The following KIRREL3 variants were observed in gnomAD, a reference collection of about 807,000 sequenced individuals.
The protein encoded by KIRREL3 is kirre like nephrin family adhesion molecule 3, also known as kin of IRRE-like protein 3.
Under a neutral mutation model 89.7 loss-of-function variants are expected in KIRREL3, and 36 were observed. The observed-to-expected ratio is 0.40, with a 90% CI of 0.31 to 0.53. KIRREL3 has a LOEUF of 0.53. Ranked by LOEUF, KIRREL3 falls within the 20% of genes least tolerant of loss-of-function variation. The pLI, the probability that KIRREL3 is intolerant of heterozygous loss-of-function variation, is 0.49. For synonymous variants in KIRREL3, 445 were observed against 441.4 expected (o/e 1.01, Z -0.10); for missense variants, 864 against 1,056.6 (o/e 0.82, Z 2.53).
intron 4 of KIRREL3, among the ~76,000 whole-genome samples, chr11:126,493,218 C>T (rs1273425471): frequency 6.6e-6 from 1 of 152,184 alleles, no homozygotes; most frequent in Non-Finnish European, 1.5e-5. Context: ...TCTCAGGCAT[C>T]ATGCAATGAG....
chr11:126,923,397 T>TC (rs1947553333), intron 1 of KIRREL3, among the ~76,000 whole-genome samples: 1 of 66 alleles, frequency 0.015, no homozygotes, highest in Non-Finnish European at 0.025. Flanking sequence ...TTCCTCTTCT[T>TC]TCTTCTTCTT....
Position 126,551,651 on chromosome 11 carries a change from G to A in KIRREL3, c.133+11184C>T, listed in dbSNP as rs932558935. ...AGGGTGAGGCCACTCAGGTTTGCAG[G>A]CTTTTTTTTTTTTTTTTGAGACAGA... On this transcript the variant is annotated intron_variant, in intron 2 of 16. Coordinates refer to ENST00000525144, the MANE Select transcript of KIRREL3 (RefSeq NM_032531.4). This position sits in a 1 kb window ranked among gnomAD's most constrained non-coding sequence, Gnocchi z 4.9. 7.2e-6 allele frequency among the ~76,000 whole-genome samples: 1 copy of A among 139,638 alleles called. No homozygotes were observed. Among genetic ancestry groups the A allele is most frequent in the African/African-American group, 2.9e-5 (1 of 34,310 alleles). 91.6% of individuals were successfully genotyped at this position (139,638 alleles called of 152,430 possible).
chr11:126,448,096 C>T (rs765706518), intron 8 of KIRREL3, among the ~76,000 whole-genome samples: 2 of 151,820 alleles, frequency 1.3e-5, no homozygotes, highest in Non-Finnish European at 1.5e-5. Context: ...ACCATCCTGG[C>T]CAACATGGTG....
chr11:126,436,698 G>T, intron 12 of KIRREL3, 113 bp downstream of exon 12: 1 of 1,128,146 alleles, frequency 8.9e-7, no homozygotes, highest in Non-Finnish European at 1.3e-6. Flanking sequence ...GAGCACTGTG[G>T]CTTGTCCTTG....
At chr11:126,472,309 C>T (rs1956917031) in intron 5 of KIRREL3, among the ~76,000 whole-genome samples, 2 of 152,298 alleles carry the variant, frequency 1.3e-5, no homozygotes, top group South Asian at 4.1e-4. Flanking sequence ...ACATTTATTT[C>T]TCACTGTTCT....
intron 4 of KIRREL3, among the ~76,000 whole-genome samples, chr11:126,488,837 C>G (rs1453834809): frequency 6.6e-6 from 1 of 152,186 alleles, no homozygotes; most frequent in South Asian, 2.1e-4. Context: ...TTATGGTGTC[C>G]AAAGCCCCAC....
At chr11:126,845,660 T>C (rs1198235002) in intron 1 of KIRREL3, among the ~76,000 whole-genome samples, 1 of 152,214 alleles carries the variant, frequency 6.6e-6, no homozygotes, top group Non-Finnish European at 1.5e-5. Context: ...CATGGCTCAA[T>C]TCCCAGCTTA....
At chr11:126,678,443 A>T (rs1946295621) in intron 1 of KIRREL3, among the ~76,000 whole-genome samples, 1 of 151,882 alleles carries the variant, frequency 6.6e-6, no homozygotes, top group African/African-American at 2.4e-5. Context: ...TACTAAAAAT[A>T]CAAAAAATTA....
intron 4 of KIRREL3, among the ~76,000 whole-genome samples, chr11:126,509,161 C>T (rs1455780192): frequency 6.6e-6 from 1 of 152,186 alleles, no homozygotes; most frequent in African/African-American, 2.4e-5. Context: ...GATGAACCCC[C>T]CAGCTTTTTG....
intron 1 of KIRREL3, among the ~76,000 whole-genome samples, chr11:126,717,329 G>A (rs184868342): frequency 9.6e-4 from 145 of 151,034 alleles, no homozygotes; most frequent in African/African-American, 1.1e-3. Context: ...TAGTGGAAGC[G>A]TGATTATAGT....
rs1940247590 is a variant in KIRREL3 at position 126,563,049 on chromosome 11, A to G, written c.56-137T>C. The G allele has an allele frequency of 1.8e-6, 1 of 555,372 alleles. No homozygotes were observed. Among genetic ancestry groups the G allele is most frequent in the Non-Finnish European group, 3.2e-6 (1 of 314,330 alleles). The allele number at this position is 555,372 out of a possible 1,614,324, so 34.4% of individuals were successfully genotyped here. A position where few individuals can be genotyped will look rare whatever the true frequency, so the allele number is the denominator to read the frequency against. ...TTGTTTAGCCAACATTTATATGGAA[A>G]TTGTTATGTTCCAGGCATAAGTTTA... is the stretch of plus-strand genomic sequence containing the variant. On this transcript the variant is annotated intron_variant, in intron 1 of 16. Transcript: ENST00000525144. The surrounding 1 kb of genome is among the most constrained non-coding windows in gnomAD (Gnocchi z 6.8).
intron 1 of KIRREL3, among the ~76,000 whole-genome samples, chr11:126,818,704 A>G (rs1485288309): frequency 2.6e-5 from 4 of 152,110 alleles, no homozygotes; most frequent in Non-Finnish European, 5.9e-5. Flanking sequence ...AAAATACTAC[A>G]GAAAGACACA....
Position 126,528,616 on chromosome 11 carries a change from T to A in KIRREL3, c.134-1929A>T, listed in dbSNP as rs1958839670. Among the ~76,000 whole-genome samples the A allele has an allele frequency of 1.3e-5, 2 of 152,174 alleles. No homozygotes were observed. The highest frequency in any genetic ancestry group is 4.1e-4 in the South Asian group (2 of 4,832). ...ACAAATTAGATTTCATAGGACATTT[T>A]AATCAGCTATGTATGGTAGGTTTTT... is the stretch of plus-strand genomic sequence containing the variant. On this transcript the variant is annotated intron_variant, in intron 2 of 16. Coordinates refer to ENST00000525144, the MANE Select transcript of KIRREL3 (RefSeq NM_032531.4). This position sits in a 1 kb window ranked among gnomAD's most constrained non-coding sequence, Gnocchi z 4.6.
Position 126,606,263 on chromosome 11 carries a change from T to C in KIRREL3, c.56-43351A>G, listed in dbSNP as rs1290072488. On this transcript the variant is annotated intron_variant, in intron 1 of 16. Coordinates refer to ENST00000525144, the MANE Select transcript of KIRREL3 (RefSeq NM_032531.4). This position sits in a 1 kb window ranked among gnomAD's most constrained non-coding sequence, Gnocchi z 4.6. ...TGAAGGCACAGTTTAGTATGGTGTT[T>C]ATGAGAGTGGATCTGGAGTGTGGGT... Among the ~76,000 whole-genome samples the C allele has an allele frequency of 3.9e-5, 6 of 152,176 alleles. No homozygotes were observed. The highest frequency in any genetic ancestry group is 3.3e-4 in the Admixed American group (5 of 15,282).
At chr11:126,864,347 T>G (rs548365295) in intron 1 of KIRREL3, among the ~76,000 whole-genome samples, 4 of 152,176 alleles carry the variant, frequency 2.6e-5, no homozygotes, top group African/African-American at 7.2e-5. Context: ...TAAAGGAGCA[T>G]CTCCGCTCCT....
At chr11:126,543,720 G>C (rs1938555494) in intron 2 of KIRREL3, among the ~76,000 whole-genome samples, 1 of 152,182 alleles carries the variant, frequency 6.6e-6, no homozygotes, top group Admixed American at 6.5e-5. Context: ...TGCCCTTGGG[G>C]CTGAGATCAG....
At chr11:126,923,046 C>A (rs1029799983) in intron 1 of KIRREL3, among the ~76,000 whole-genome samples, 2 of 152,308 alleles carry the variant, frequency 1.3e-5, no homozygotes, top group East Asian at 3.9e-4. Flanking sequence ...TGGTTTTCCT[C>A]CTCCTTCTCT....
At chr11:126,548,131 C>A (rs1422085478) in intron 2 of KIRREL3, among the ~76,000 whole-genome samples, 3 of 152,178 alleles carry the variant, frequency 2.0e-5, no homozygotes, top group African/African-American at 7.2e-5. Context: ...TTCCCACCTC[C>A]AGTCCTCCAC....
chr11:126,931,656 T>A lies in KIRREL3; in HGVS notation c.55+68799A>T, dbSNP rs1200676736. 6.6e-6 allele frequency among the ~76,000 whole-genome samples: 1 copy of A among 152,212 alleles called. No individual in the cohort carries two copies. The highest frequency in any genetic ancestry group is 2.4e-5 in the African/African-American group (1 of 41,450). On this transcript the variant is annotated intron_variant, in intron 1 of 16. Transcript: ENST00000525144. This position sits in a 1 kb window ranked among gnomAD's most constrained non-coding sequence, Gnocchi z 5.1. The stretch of plus-strand genomic sequence containing the variant: ...TTCCAAGTCCTAGTTGTCTAAATAA[T>A]TTAAATATGGAATAGTGGCAGATAC...
Sources: gnomAD v4.1 joint callset for allele counts (sites outside exome capture counted in the v4.1 genomes callset) on GRCh38, gnomAD v4.1.1 for gene constraint, Gnocchi (gnomAD v3.1) non-coding constraint, MANE v1.5 for transcripts, NCBI Gene and HGNC (gene_info 2026-07-23, HGNC 2026-07-21) for gene names.